Variants in RPS6KA2 observed in about 807,000 individuals in gnomAD.
RPS6KA2 encodes the protein ribosomal protein S6 kinase A2.
Under a neutral mutation model 91.8 loss-of-function variants are expected in RPS6KA2, and 42 were observed. The observed-to-expected ratio is 0.46, with a 90% CI of 0.36 to 0.59. RPS6KA2 has a LOEUF of 0.59. Ranked by LOEUF, RPS6KA2 falls within the 20% of genes least tolerant of loss-of-function variation. The probability of loss-of-function intolerance (pLI) is 0.00; values close to 1 mark genes in which losing one functional copy is unlikely to be tolerated. For missense variants in RPS6KA2, 798 were observed against 978.5 expected (o/e 0.82, Z 2.46); for synonymous variants, 414 against 393.6 (o/e 1.05, Z -0.61).
intron 2 of RPS6KA2, among the ~76,000 whole-genome samples, chr6:166,655,309 A>ACACAT (rs1486938339): frequency 6.6e-6 from 1 of 152,228 alleles, no homozygotes; most frequent in East Asian, 1.9e-4. Flanking sequence ...AACACCAAGG[A>ACACAT]CACATAACAA....
rs964547331 is a variant in RPS6KA2 at position 166,419,820 on chromosome 6, A to T, written c.1820+62T>A. On this transcript the variant is annotated intron_variant, in intron 18 of 20. Transcript: ENST00000265678. This position sits in a 1 kb window ranked among gnomAD's most constrained non-coding sequence, Gnocchi z 5.6. ...AGGGCTGGCCCTGGTCCCCTGACAG[A>T]TCAGCCACTGAGGCTGCTGCCCTGT... 3 of 1,467,768 alleles carry T rather than the reference A, an allele frequency of 2.0e-6. No homozygotes were observed. The allele number at this position is 1,467,768 out of a possible 1,614,324, so 90.9% of individuals were successfully genotyped here. A position where few individuals can be genotyped will look rare whatever the true frequency, so the allele number is the denominator to read the frequency against.
intron 17 of RPS6KA2, among the ~76,000 whole-genome samples, chr6:166,422,264 A>G (rs998435025): frequency 7.4e-4 from 113 of 152,326 alleles, no homozygotes; most frequent in African/African-American, 2.6e-3. Flanking sequence ...TGCATAACCT[A>G]AAACAGCCTC....
chr6:166,855,716 G>A (rs550571734), intron 2 of RPS6KA2, among the ~76,000 whole-genome samples: 3 of 152,230 alleles, frequency 2.0e-5, no homozygotes, highest in Admixed American at 1.3e-4. Context: ...CTCCATGTTG[G>A]GTTTTCAGCA....
rs550570251 is a variant in RPS6KA2, at chr6:166,448,932, C to T, written c.1207-83G>A. On this transcript the variant is annotated intron_variant, in intron 13 of 20. Transcript: ENST00000265678. The surrounding 1 kb of genome is among the most constrained non-coding windows in gnomAD (Gnocchi z 4.7). ...AGCTACACGCACACAGAATGTGGGG[C>T]GAAGAGAGGCACCGACTGTGAACTG... 1,041 of 1,536,728 alleles carry T rather than the reference C, an allele frequency of 6.8e-4. 16 individuals carry two copies. In the South Asian group the frequency reaches 0.011, roughly 16 times the overall value.
chr6:166,557,414 C>G lies in RPS6KA2; in HGVS notation c.100-18630G>C, dbSNP rs16899151. ...GGTCACTCTGAAAATGAACTGTTCT[C>G]CCACTGAGCTGTGCCTCAACCCAAA... is the stretch of plus-strand genomic sequence containing the variant. On this transcript the variant is annotated intron_variant, in intron 1 of 20. Coordinates refer to ENST00000265678, the MANE Select transcript of RPS6KA2 (RefSeq NM_021135.6). The surrounding 1 kb of genome is among the most constrained non-coding windows in gnomAD (Gnocchi z 4.8). Among the ~76,000 whole-genome samples the G allele has an allele frequency of 0.032, 4,935 of 152,308 alleles. 271 individuals are homozygous for G. The highest frequency in any genetic ancestry group is 0.11 in the African/African-American group (4,682 of 41,550).
chr6:166,572,829 G>C (rs1454260806), intron 1 of RPS6KA2, among the ~76,000 whole-genome samples: 1 of 152,244 alleles, frequency 6.6e-6, no homozygotes, highest in Non-Finnish European at 1.5e-5. Flanking sequence ...GTGTGAGACA[G>C]AGCAGCTCCC....
chr6:166,617,680 G>A (rs1232762844), intron 1 of RPS6KA2, among the ~76,000 whole-genome samples: 1 of 152,216 alleles, frequency 6.6e-6, no homozygotes, highest in African/African-American at 2.4e-5. Flanking sequence ...GGCACGTAGT[G>A]AATAGTCAGT....
intron 2 of RPS6KA2, among the ~76,000 whole-genome samples, chr6:166,687,958 T>C (rs2128569640): frequency 6.6e-6 from 1 of 152,266 alleles, no homozygotes. Context: ...GGGGGTTCTA[T>C]TCACAGGACG....
At chr6:166,796,366 G>A (rs555496900) in intron 2 of RPS6KA2, among the ~76,000 whole-genome samples, 22 of 152,224 alleles carry the variant, frequency 1.4e-4, no homozygotes, top group Middle Eastern at 3.4e-3. Flanking sequence ...CGAGGCGGGC[G>A]GATCACGAGG....
At chr6:166,808,898 C>T (rs1401205451) in intron 2 of RPS6KA2, among the ~76,000 whole-genome samples, 1 of 152,086 alleles carries the variant, frequency 6.6e-6, no homozygotes, top group African/African-American at 2.4e-5. Context: ...AATAAAGGTC[C>T]AGAAGTAGCC....
intron 2 of RPS6KA2, among the ~76,000 whole-genome samples, chr6:166,748,656 C>CTCCTCAGGCCCCCATT (rs1791129970): frequency 1.3e-5 from 1 of 75,966 alleles, no homozygotes; most frequent in Non-Finnish European, 2.4e-5. Context: ...GGGCCCCCAC[C>CTCCTCAGGCCCCCATT]TCCTCAGGCC....
chr6:166,627,307 C>T, upstream of RPS6KA2: 2 of 832,814 alleles, frequency 2.4e-6, no homozygotes, highest in Non-Finnish European at 1.5e-6. Flanking sequence ...TACCACCAAT[C>T]AGCGCCCGCC....
intron 8 of RPS6KA2, among the ~76,000 whole-genome samples, chr6:166,492,308 C>G (rs1441291897): frequency 6.6e-6 from 1 of 151,980 alleles, no homozygotes; most frequent in Non-Finnish European, 1.5e-5. Context: ...TAATAAAAAG[C>G]AAGCGGAAGG....
At chr6:166,674,738 G>T (rs1788571754) in intron 2 of RPS6KA2, among the ~76,000 whole-genome samples, 1 of 152,106 alleles carries the variant, frequency 6.6e-6, no homozygotes, top group Non-Finnish European at 1.5e-5. Context: ...GTGCAATCTG[G>T]GCTTGCTGCA....
chr6:166,800,652 C>T (rs1397635741), intron 2 of RPS6KA2, among the ~76,000 whole-genome samples: 2 of 152,126 alleles, frequency 1.3e-5, no homozygotes, highest in East Asian at 1.9e-4. Flanking sequence ...CTTGGACTTC[C>T]GGCCTCCAGA....
At position 166,419,586 on chromosome 6, in the gene RPS6KA2, A is replaced by T. The variant is rs1249570769; in HGVS notation, c.1820+296T>A. 6.6e-6 allele frequency among the ~76,000 whole-genome samples: 1 copy of T among 152,248 alleles called. No homozygotes were observed. The highest frequency in any genetic ancestry group is 1.5e-5 in the Non-Finnish European group (1 of 68,048). Reference sequence around the variant, plus strand: ...CACATCTGTTGCTACCTTTTAAAACAGTGGCAGGTGCAGCAGAGAGAATGG... The same window carrying T: ...CACATCTGTTGCTACCTTTTAAAACTGTGGCAGGTGCAGCAGAGAGAATGG... On this transcript the variant is annotated intron_variant, in intron 18 of 20. Coordinates refer to ENST00000265678, the MANE Select transcript of RPS6KA2 (RefSeq NM_021135.6). The surrounding 1 kb of genome is among the most constrained non-coding windows in gnomAD (Gnocchi z 5.6).
rs1463007127 is a variant in RPS6KA2 at position 166,412,761 on chromosome 6, G to A, written c.*1C>T. On this transcript the variant is annotated 3_prime_UTR_variant, in exon 21 of 21. Transcript: ENST00000265678. This position sits in a 1 kb window ranked among gnomAD's most constrained non-coding sequence, Gnocchi z 4.3. ...GGACGCTGGGGCCAGGGTCCCACCC[G>A]CTACAGCCGCGTGGACGTGAGTCTC... The A allele has an allele frequency of 5.6e-6, 9 of 1,595,582 alleles. No homozygotes were observed. The highest frequency in any genetic ancestry group is 2.7e-5 in the African/African-American group (2 of 74,742).
At position 166,500,467 on chromosome 6, in the gene RPS6KA2, C is replaced by G. The variant is rs1781986353; in HGVS notation, c.604+420G>C. 6.6e-6 allele frequency among the ~76,000 whole-genome samples: 1 copy of G among 152,172 alleles called. No homozygotes were observed. Among genetic ancestry groups the G allele is most frequent in the Admixed American group, 6.5e-5 (1 of 15,284 alleles). Reference sequence around the variant, plus strand: ...GCAGGGACAGCATCAGTGAGGGCAGCAGTGCAGGCCGCACTCCAGCGAGAC... The same window carrying G: ...GCAGGGACAGCATCAGTGAGGGCAGGAGTGCAGGCCGCACTCCAGCGAGAC... On this transcript the variant is annotated intron_variant, in intron 7 of 20. Coordinates refer to ENST00000265678, the MANE Select transcript of RPS6KA2 (RefSeq NM_021135.6). The surrounding 1 kb of genome is among the most constrained non-coding windows in gnomAD (Gnocchi z 4.3).
At chr6:166,608,091 G>C (rs1786019452) in intron 1 of RPS6KA2, among the ~76,000 whole-genome samples, 1 of 151,946 alleles carries the variant, frequency 6.6e-6, no homozygotes, top group Admixed American at 6.5e-5. Flanking sequence ...GGAGGGGAGT[G>C]CCTTCTTCCA....
Sources: gnomAD v4.1 joint callset for allele counts (sites outside exome capture counted in the v4.1 genomes callset) on GRCh38, gnomAD v4.1.1 for gene constraint, Gnocchi (gnomAD v3.1) non-coding constraint, MANE v1.5 for transcripts, NCBI Gene and HGNC (gene_info 2026-07-23, HGNC 2026-07-21) for gene names.